ZNF704: variants seen among roughly 807,000 people sequenced by gnomAD.
ZNF704 encodes glucocorticoid induced gene 1.
A neutral mutation model predicts 44.7 loss-of-function variants in ZNF704; 10 were observed. That is an observed-to-expected ratio of 0.22 (90% CI 0.14 to 0.38). The LOEUF is 0.38. Among genes scored for constraint, ZNF704 ranks in the 10% least tolerant of loss-of-function variants. The probability of loss-of-function intolerance (pLI) is 1.00; values close to 1 mark genes in which losing one functional copy is unlikely to be tolerated. For missense variants in ZNF704, 390 were observed against 545.5 expected (o/e 0.71, Z 2.84); for synonymous variants, 211 against 207.6 (o/e 1.02, Z -0.14).
upstream of ZNF704, among the ~76,000 whole-genome samples, chr8:80,877,880 T>C (rs556989175): frequency 1.3e-5 from 2 of 152,144 alleles, no homozygotes; most frequent in African/African-American, 4.8e-5. Context: ...AAAGGAGGGG[T>C]AGAAGGTGCT....
chr8:80,859,141 T>C (rs538153014), intron 1 of ZNF704, among the ~76,000 whole-genome samples: 3 of 152,366 alleles, frequency 2.0e-5, no homozygotes, highest in East Asian at 3.9e-4. Context: ...ATGAGATATA[T>C]AAATATTTAG....
the ZNF704 span, among the ~76,000 whole-genome samples, chr8:80,881,365 A>T: frequency 1.3e-5 from 2 of 152,268 alleles, no homozygotes; most frequent in African/African-American, 2.4e-5. Flanking sequence ...GTGTGCTAAA[A>T]GAGAAAGGAG....
At chr8:80,724,585 T>TG (rs1806443177) in intron 2 of ZNF704, among the ~76,000 whole-genome samples, 1 of 152,204 alleles carries the variant, frequency 6.6e-6, no homozygotes, top group Admixed American at 6.5e-5. Context: ...ACTGTACTCC[T>TG]GCCTGCCATT....
Position 80,641,321 on chromosome 8 carries a change from G to A in ZNF704, c.*45C>T, listed in dbSNP as rs561253726. On this transcript the variant is annotated 3_prime_UTR_variant, in exon 9 of 9. Coordinates refer to ENST00000327835, the MANE Select transcript of ZNF704 (RefSeq NM_001033723.3). ...TCCAACACCTGCAGTGGCAGGCCAG[G>A]GCAGGAGCGGCTCAGGGCCCTGAGC... 3.1e-5 allele frequency: 41 copies of A among 1,304,592 alleles called. 1 individual carries two copies. The highest frequency in any genetic ancestry group is 2.9e-4 in the South Asian group (20 of 69,286). The allele number at this position is 1,304,592 out of a possible 1,614,324, so 80.8% of individuals were successfully genotyped here. A position where few individuals can be genotyped will look rare whatever the true frequency, so the allele number is the denominator to read the frequency against.
intron 2 of ZNF704, among the ~76,000 whole-genome samples, chr8:80,761,041 C>T (rs1018807960): frequency 2.6e-5 from 4 of 152,224 alleles, no homozygotes; most frequent in Admixed American, 2.0e-4. Flanking sequence ...ACACTGGGGA[C>T]TACAATTCAA....
At position 80,735,856 on chromosome 8, in the gene ZNF704, A is replaced by G. The variant is rs550999439; in HGVS notation, c.222-42749T>C. Reference sequence around the variant, plus strand: ...GTAATTTATTTTTTCTTAGAAAATTACCTTCAGCAGGTGATTTTCTTAAAC... The same window carrying G: ...GTAATTTATTTTTTCTTAGAAAATTGCCTTCAGCAGGTGATTTTCTTAAAC... On this transcript the variant is annotated intron_variant, in intron 2 of 8. Coordinates refer to ENST00000327835, the MANE Select transcript of ZNF704 (RefSeq NM_001033723.3). 6.4e-4 allele frequency among the ~76,000 whole-genome samples: 97 copies of G among 152,360 alleles called. 1 individual carries two copies. The highest frequency in any genetic ancestry group is 6.8e-3 in the Middle Eastern group (2 of 294).
intron 2 of ZNF704, among the ~76,000 whole-genome samples, chr8:80,702,261 C>T (rs1818821979): frequency 1.3e-5 from 2 of 152,104 alleles, no homozygotes; most frequent in Non-Finnish European, 2.9e-5. Context: ...GGTCTCTCCT[C>T]AGAAGCAGGT....
At chr8:80,849,652 C>T (rs1808824949) in intron 1 of ZNF704, among the ~76,000 whole-genome samples, 1 of 152,196 alleles carries the variant, frequency 6.6e-6, no homozygotes, top group African/African-American at 2.4e-5. Context: ...TTCTATACAT[C>T]AGGCTGACTC....
the ZNF704 span, among the ~76,000 whole-genome samples, chr8:80,884,085 T>G: frequency 7.9e-5 from 12 of 152,358 alleles, no homozygotes; most frequent in African/African-American, 4.8e-5. Flanking sequence ...TTTTTGTTGT[T>G]ATGCCTGTTA....
intron 2 of ZNF704, among the ~76,000 whole-genome samples, chr8:80,783,880 C>T (rs1807570838): frequency 6.6e-6 from 1 of 152,168 alleles, no homozygotes; most frequent in South Asian, 2.1e-4. Flanking sequence ...GTTCTCTCTA[C>T]TCATCCCTCC....
chr8:80,750,059 G>A (rs1806914971), intron 2 of ZNF704, among the ~76,000 whole-genome samples: 1 of 152,038 alleles, frequency 6.6e-6, no homozygotes. Flanking sequence ...TATCCCTTAG[G>A]CTAATCAAGA....
intron 1 of ZNF704, among the ~76,000 whole-genome samples, chr8:80,840,041 T>G (rs1240524040): frequency 6.6e-6 from 1 of 152,226 alleles, no homozygotes; most frequent in Non-Finnish European, 1.5e-5. Flanking sequence ...AGGCACCTGC[T>G]ATATTTTTAC....
chr8:80,630,581 C>T lies in ZNF704; in HGVS notation c.*10785G>A, dbSNP rs894486831. 2 of 152,134 alleles carry T rather than the reference C, an allele frequency of 1.3e-5. No individual in the cohort carries two copies. Among genetic ancestry groups the T allele is most frequent in the African/African-American group, 4.8e-5 (2 of 41,434 alleles). The allele number at this position is 152,134 out of a possible 1,614,324, so 9.4% of individuals were successfully genotyped here. A position where few individuals can be genotyped will look rare whatever the true frequency, so the allele number is the denominator to read the frequency against. ...AAACATTGTCATGGACTAAGGGCAA[C>T]AGAGGTTTTGTGATTACTGTTGTTC... On this transcript the variant is annotated 3_prime_UTR_variant, in exon 9 of 9. Transcript: ENST00000327835.
intron 1 of ZNF704, among the ~76,000 whole-genome samples, chr8:80,862,713 C>G (rs1809087739): frequency 7.3e-6 from 1 of 136,592 alleles, no homozygotes; most frequent in Non-Finnish European, 1.5e-5. Context: ...TGCAGTGAGC[C>G]GAGATCACAC....
At chr8:80,806,273 G>T (rs939177704) in intron 2 of ZNF704, among the ~76,000 whole-genome samples, 1 of 152,138 alleles carries the variant, frequency 6.6e-6, no homozygotes, top group Non-Finnish European at 1.5e-5. Flanking sequence ...AAATAAGGGG[G>T]ATGGAGCAGA....
At chr8:80,668,015 T>C (rs895108704) in intron 5 of ZNF704, among the ~76,000 whole-genome samples, 1 of 152,196 alleles carries the variant, frequency 6.6e-6, no homozygotes, top group Non-Finnish European at 1.5e-5. Flanking sequence ...ATTTTCACCA[T>C]CACCAGGAAA....
At chr8:80,815,375 A>C (rs1209367751) in intron 2 of ZNF704, among the ~76,000 whole-genome samples, 1 of 152,220 alleles carries the variant, frequency 6.6e-6, no homozygotes, top group Non-Finnish European at 1.5e-5. Flanking sequence ...GACAGTTACT[A>C]CTTTGCATAA....
chr8:80,718,673 A>C (rs1819113381), intron 2 of ZNF704, among the ~76,000 whole-genome samples: 1 of 152,224 alleles, frequency 6.6e-6, no homozygotes, highest in Non-Finnish European at 1.5e-5. Flanking sequence ...TTTGAAGCCC[A>C]GACCTGCCAA....
chr8:80,868,659 T>C (rs1809198149), intron 1 of ZNF704, among the ~76,000 whole-genome samples: 1 of 152,256 alleles, frequency 6.6e-6, no homozygotes, highest in Admixed American at 6.5e-5. Context: ...GTAAAGTTCC[T>C]GTCTCACAAA....
Sources: allele counts gnomAD v4.1 joint callset (sites outside exome capture counted in the v4.1 genomes callset), GRCh38; gene constraint gnomAD v4.1.1; transcripts MANE v1.5; gene names NCBI Gene and HGNC (gene_info 2026-07-23, HGNC 2026-07-21).